EXD3: variants seen among roughly 807,000 people sequenced by gnomAD.
EXD3 encodes the protein exonuclease mut-7 homolog.
In EXD3, 92 loss-of-function variants were observed where a neutral mutation model predicts 98.0. That is an observed-to-expected ratio of 0.94 (90% CI 0.79 to 1.12). EXD3 has a LOEUF of 1.12. EXD3 is among the 50% of genes most tolerant of loss of function. The pLI is 0.00. For synonymous variants in EXD3, 569 were observed against 526.0 expected (o/e 1.08, Z -1.12); for missense variants, 1,222 against 1,191.6 (o/e 1.03, Z -0.38).
intron 17 of EXD3, among the ~76,000 whole-genome samples, chr9:137,346,760 A>T (rs1833958316): frequency 6.8e-6 from 1 of 147,484 alleles, no homozygotes; most frequent in African/African-American, 2.7e-5. Context: ...CTACTTCCGC[A>T]TGTTTAGCTG....
chr9:137,312,790 G>T (rs924062711), intron 19 of EXD3, among the ~76,000 whole-genome samples: 1 of 152,132 alleles, frequency 6.6e-6, no homozygotes, highest in African/African-American at 2.4e-5. Context: ...CCACACCCAC[G>T]AGTAGGCCCA....
rs1464049533 is a variant in EXD3 at position 137,385,048 on chromosome 9, GGCCACT to G, written c.56-1677_56-1672del. 6.6e-6 allele frequency among the ~76,000 whole-genome samples: 1 copy of G among 152,032 alleles called. No individual in the cohort carries two copies. Among genetic ancestry groups the G allele is most frequent in the Non-Finnish European group, 1.5e-5 (1 of 67,988 alleles). ...CGGAGGTCGCAGTGAGCCGAGATCG[GGCCACT>G]GCACTCCAGCCTGGGCAACAGAGCG... is the stretch of plus-strand genomic sequence containing the variant. On this transcript the variant is annotated intron_variant, in intron 2 of 21. Coordinates refer to ENST00000340951, the MANE Select transcript of EXD3 (RefSeq NM_017820.5). This position sits in a 1 kb window ranked among gnomAD's most constrained non-coding sequence, Gnocchi z 4.4.
Position 137,307,189 on chromosome 9 carries a change from G to T in EXD3, c.2392C>A (p.Arg798=), listed in dbSNP as rs1219255914. 1 of 1,584,856 alleles carries T rather than the reference G, an allele frequency of 6.3e-7. No homozygotes were observed. The highest frequency in any genetic ancestry group is 8.6e-7 in the Non-Finnish European group (1 of 1,166,804). Residue 798 remains arginine (R), a synonymous_variant, in exon 22 of 22, where the codon CGG becomes AGG. Coordinates refer to ENST00000340951, the MANE Select transcript of EXD3 (RefSeq NM_017820.5). ...GCCAGCATGTCCGGTGTCTCCGCCC[G>T]CAGGTCAGCCATCTGCAGCCAGCGG... is the stretch of plus-strand genomic sequence containing the variant. ...PCRWLQMADL[R]AETPDMLADG...
chr9:137,320,873 C>G (rs911435071), intron 19 of EXD3, among the ~76,000 whole-genome samples: 1 of 152,198 alleles, frequency 6.6e-6, no homozygotes, highest in South Asian at 2.1e-4. Flanking sequence ...CCTCCCCAGG[C>G]GTCCCGGACA....
rs751615508 is a variant in EXD3 at position 137,367,926 on chromosome 9, A to G, written c.516+10T>C. On this transcript the variant is annotated intron_variant, in intron 6 of 21. Transcript: ENST00000340951. ...TGAACCTAAACAATTTACATGAGAA[A>G]GACGTTCACCTTTTCAACGCCAAGC... 96 of 1,611,702 alleles carry G rather than the reference A, an allele frequency of 6.0e-5. No individual in the cohort carries two copies. Among genetic ancestry groups the G allele is most frequent in the Non-Finnish European group, 9.3e-6 (11 of 1,179,342 alleles).
Position 137,349,648 on chromosome 9 carries a change from C to A in EXD3, c.1495-117G>T. On this transcript the variant is annotated intron_variant, in intron 14 of 21. Coordinates refer to ENST00000340951, the MANE Select transcript of EXD3 (RefSeq NM_017820.5). This position sits in a 1 kb window ranked among gnomAD's most constrained non-coding sequence, Gnocchi z 7.4. ...GAGGAGGCCCCGCCCCCTCCACCAG[C>A]GGCCCCCACAGCAGAGACGGGGAGA... 4.6e-6 allele frequency: 5 copies of A among 1,096,348 alleles called. No individual in the cohort carries two copies. Among genetic ancestry groups the A allele is most frequent in the Non-Finnish European group, 6.2e-6 (5 of 807,484 alleles). The allele number at this position is 1,096,348 out of a possible 1,614,324, so 67.9% of individuals were successfully genotyped here.
chr9:137,392,725 G>A (rs1836988636), intron 2 of EXD3: 2 of 357,392 alleles, frequency 5.6e-6, no homozygotes, highest in South Asian at 4.3e-5. Context: ...TCTGTTCCAG[G>A]AGCACCAGGC....
intron 3 of EXD3, chr9:137,374,642 C>T: frequency 2.0e-6 from 2 of 985,534 alleles, no homozygotes; most frequent in Non-Finnish European, 2.4e-6. Flanking sequence ...CAGCGCTGTC[C>T]AGGAGGGTGC....
At chr9:137,417,684 T>C (rs1485657954) in intron 1 of EXD3, among the ~76,000 whole-genome samples, 2 of 152,020 alleles carry the variant, frequency 1.3e-5, no homozygotes, top group African/African-American at 4.8e-5. Context: ...CGGAGCAGCT[T>C]CCGCCACGAA....
intron 3 of EXD3, among the ~76,000 whole-genome samples, chr9:137,378,890 T>A (rs199944652): frequency 7.1e-6 from 1 of 141,766 alleles, no homozygotes; most frequent in African/African-American, 2.8e-5. Context: ...TGGGTGACGG[T>A]GACCGTTGCC....
chr9:137,389,332 C>T (rs568460775), intron 2 of EXD3, among the ~76,000 whole-genome samples: 3 of 120,546 alleles, frequency 2.5e-5, no homozygotes, highest in Non-Finnish European at 3.9e-5. Flanking sequence ...GCATCTGGCA[C>T]GGAGCCCCTT....
In EXD3 at chr9:137,373,413, C is replaced by A. The variant is rs1475338453; in HGVS notation, c.294+13G>T. The stretch of plus-strand genomic sequence containing the variant: ...AGGAAGGGAGGTGACTGTCACAGAA[C>A]CCATGGGCTCACCTGGGCCAGGCTC... On this transcript the variant is annotated intron_variant, in intron 4 of 21. Coordinates refer to ENST00000340951, the MANE Select transcript of EXD3 (RefSeq NM_017820.5). The A allele has an allele frequency of 6.9e-6, 11 of 1,603,352 alleles. No homozygotes were observed. The highest frequency in any genetic ancestry group is 9.3e-6 in the Non-Finnish European group (11 of 1,178,978).
chr9:137,384,317 C>T (rs1836474761), intron 2 of EXD3, among the ~76,000 whole-genome samples: 1 of 152,250 alleles, frequency 6.6e-6, no homozygotes, highest in Non-Finnish European at 1.5e-5. Context: ...GAGAGCCAGG[C>T]TGACTTAACA....
chr9:137,397,067 C>A (rs956525829), intron 1 of EXD3, among the ~76,000 whole-genome samples: 2 of 152,196 alleles, frequency 1.3e-5, no homozygotes, highest in Non-Finnish European at 2.9e-5. Flanking sequence ...GGACCCGCGG[C>A]CCCAGGGCTG....
intron 1 of EXD3, among the ~76,000 whole-genome samples, chr9:137,417,801 C>T (rs1838309436): frequency 6.6e-6 from 1 of 152,122 alleles, no homozygotes; most frequent in South Asian, 2.1e-4. Flanking sequence ...GCAGGCCGTG[C>T]CGCGGGCCGG....
intron 2 of EXD3, among the ~76,000 whole-genome samples, chr9:137,389,983 A>G (rs1160252521): frequency 6.6e-6 from 1 of 151,544 alleles, no homozygotes; most frequent in Non-Finnish European, 1.5e-5. Context: ...TTACCCAAGC[A>G]TGGTGGTGGG....
At chr9:137,308,549 C>A (rs915419873) in intron 20 of EXD3, among the ~76,000 whole-genome samples, 1 of 152,042 alleles carries the variant, frequency 6.6e-6, no homozygotes, top group Admixed American at 6.5e-5. Flanking sequence ...GAGGCCACCT[C>A]CAGCCTCGCT....
At chr9:137,396,877 G>A (rs1837240290) in intron 1 of EXD3, among the ~76,000 whole-genome samples, 1 of 152,334 alleles carries the variant, frequency 6.6e-6, no homozygotes, top group Admixed American at 6.5e-5. Flanking sequence ...GGCAGTGTGA[G>A]GCCACGTTTC....
intron 2 of EXD3, among the ~76,000 whole-genome samples, chr9:137,386,737 C>A (rs903505254): frequency 2.6e-5 from 4 of 152,110 alleles, no homozygotes; most frequent in Non-Finnish European, 4.4e-5. Flanking sequence ...GAGCACCCAG[C>A]AGCCTGCCCG....
Sources: allele counts gnomAD v4.1 joint callset (sites outside exome capture counted in the v4.1 genomes callset), GRCh38; gene constraint gnomAD v4.1.1; non-coding constraint Gnocchi (gnomAD v3.1); transcripts MANE v1.5; gene names NCBI Gene and HGNC (gene_info 2026-07-23, HGNC 2026-07-21).